Variants in ADGRB3 observed in about 807,000 individuals in gnomAD.
ADGRB3 encodes the protein adhesion G protein-coupled receptor B3, also known as brain-specific angiogenesis inhibitor 3.
In ADGRB3, 37 loss-of-function variants were observed where a neutral mutation model predicts 193.4. That is an observed-to-expected ratio of 0.19 (90% CI 0.15 to 0.25). The LOEUF (loss-of-function observed/expected upper bound fraction) is 0.25, where lower values mean the gene tolerates loss of function less well. Ranked by LOEUF, ADGRB3 falls within the 10% of genes least tolerant of loss-of-function variation. The pLI, the probability that ADGRB3 is intolerant of heterozygous loss-of-function variation, is 1.00. For missense variants in ADGRB3, 1,637 were observed against 1,852.9 expected (o/e 0.88, Z 2.14); for synonymous variants, 690 against 644.2 (o/e 1.07, Z -1.08).
At chr6:69,338,177 C>G (rs1045131473) in intron 24 of ADGRB3, among the ~76,000 whole-genome samples, 1 of 152,062 alleles carries the variant, frequency 6.6e-6, no homozygotes, top group Middle Eastern at 3.2e-3. Context: ...GCAAAATCCT[C>G]TAGACAAGAA....
At chr6:69,153,796 A>G (rs537377029) in intron 17 of ADGRB3, among the ~76,000 whole-genome samples, 114 of 152,264 alleles carry the variant, frequency 7.5e-4, no homozygotes, top group African/African-American at 2.6e-3. Flanking sequence ...GATCGAGACC[A>G]TGCTGGCTAA....
intron 17 of ADGRB3, among the ~76,000 whole-genome samples, chr6:69,162,448 A>G (rs1480336304): frequency 6.6e-6 from 1 of 152,154 alleles, no homozygotes; most frequent in Non-Finnish European, 1.5e-5. Context: ...GCATTTAGAC[A>G]GAGAGAAGCG....
chr6:68,764,209 A>G (rs1766466313), intron 3 of ADGRB3, among the ~76,000 whole-genome samples: 1 of 152,206 alleles, frequency 6.6e-6, no homozygotes, highest in African/African-American at 2.4e-5. Flanking sequence ...GTTCTATTAA[A>G]TGAGATTCCA....
rs138491102 is a variant in ADGRB3 at position 69,387,537 on chromosome 6, T to G, written c.4381-1166T>G. Among the ~76,000 whole-genome samples, 15 of 152,224 alleles carry G rather than the reference T, an allele frequency of 9.9e-5. 1 individual carries two copies. The highest frequency in any genetic ancestry group is 9.8e-4 in the Admixed American group (15 of 15,264). ...TCTAATGCATTAAACATTTTATTAA[T>G]TTAATTTCCAGTTATGGTAAGTGTT... On this transcript the variant is annotated intron_variant, in intron 31 of 31. Coordinates refer to ENST00000370598, the MANE Select transcript of ADGRB3 (RefSeq NM_001704.3).
At chr6:68,942,492 A>AT (rs1348448997) in intron 5 of ADGRB3, among the ~76,000 whole-genome samples, 7 of 152,088 alleles carry the variant, frequency 4.6e-5, no homozygotes, top group Non-Finnish European at 1.0e-4. Context: ...AAAAAAGCAC[A>AT]TTTTTTCTCA....
At chr6:68,776,896 C>T (rs772880343) in intron 3 of ADGRB3, among the ~76,000 whole-genome samples, 17 of 151,968 alleles carry the variant, frequency 1.1e-4, no homozygotes, top group Non-Finnish European at 4.4e-5. Flanking sequence ...GCAAAATTCA[C>T]CTTAGTAGAA....
At chr6:68,913,077 G>A (rs1323499490) in intron 3 of ADGRB3, among the ~76,000 whole-genome samples, 1 of 152,178 alleles carries the variant, frequency 6.6e-6, no homozygotes, top group Non-Finnish European at 1.5e-5. Flanking sequence ...ACAGCTCAAG[G>A]AGGCCTGCCT....
chr6:68,934,169 G>A (rs915600017), intron 4 of ADGRB3, among the ~76,000 whole-genome samples: 4 of 152,084 alleles, frequency 2.6e-5, no homozygotes, highest in African/African-American at 9.7e-5. Flanking sequence ...CATTTTGATA[G>A]GTAGGCCACT....
At position 68,845,079 on chromosome 6, in the gene ADGRB3, A is replaced by G. The variant is rs896412729; in HGVS notation, c.758-85480A>G. Reference sequence around the variant, plus strand: ...ATGGAAAAACAGGGTGACTACAGTCAATAATAATTTCATTATACATTTGAA... The same window carrying G: ...ATGGAAAAACAGGGTGACTACAGTCGATAATAATTTCATTATACATTTGAA... On this transcript the variant is annotated intron_variant, in intron 3 of 31. Coordinates refer to ENST00000370598, the MANE Select transcript of ADGRB3 (RefSeq NM_001704.3). Among the ~76,000 whole-genome samples, 7 of 152,314 alleles carry G rather than the reference A, an allele frequency of 4.6e-5. No individual in the cohort carries two copies. In the East Asian group the frequency reaches 1.4e-3, roughly 29 times the overall value.
At chr6:68,775,290 G>C (rs1766716852) in intron 3 of ADGRB3, among the ~76,000 whole-genome samples, 1 of 152,094 alleles carries the variant, frequency 6.6e-6, no homozygotes. Flanking sequence ...AAGTTAACAT[G>C]AGTGAACACT....
At chr6:68,816,348 G>A (rs1208638697) in intron 3 of ADGRB3, among the ~76,000 whole-genome samples, 1 of 124,622 alleles carries the variant, frequency 8.0e-6, no homozygotes, top group Non-Finnish European at 1.7e-5. Flanking sequence ...TAAATGTAGA[G>A]TTATTAGAAA....
intron 20 of ADGRB3, among the ~76,000 whole-genome samples, chr6:69,260,429 A>G (rs562953664): frequency 1.3e-5 from 2 of 152,156 alleles, no homozygotes. Flanking sequence ...GGAAGCAGAA[A>G]TAAGTATTAA....
Position 68,649,740 on chromosome 6 carries a change from T to C in ADGRB3, c.757+10308T>C, listed in dbSNP as rs139005632. Among the ~76,000 whole-genome samples, 160 of 152,304 alleles carry C rather than the reference T, an allele frequency of 1.1e-3. 2 individuals are homozygous for C. The highest frequency in any genetic ancestry group is 3.4e-3 in the African/African-American group (142 of 41,566). On this transcript the variant is annotated intron_variant, in intron 3 of 31. Coordinates refer to ENST00000370598, the MANE Select transcript of ADGRB3 (RefSeq NM_001704.3). ...GCATTCTTGGTTACCTTGTGATACA[T>C]TGAGAAATAGCATTGAAGGTGAGAA...
chr6:69,277,532 G>T (rs1473281796), intron 20 of ADGRB3, among the ~76,000 whole-genome samples: 1 of 152,156 alleles, frequency 6.6e-6, no homozygotes, highest in Non-Finnish European at 1.5e-5. Context: ...TGTAGAGTCA[G>T]CACTCCCAAA....
At chr6:69,283,177 G>C (rs1365070096) in intron 20 of ADGRB3, among the ~76,000 whole-genome samples, 1 of 152,256 alleles carries the variant, frequency 6.6e-6, no homozygotes, top group African/African-American at 2.4e-5. Context: ...AATTGCCAAG[G>C]GGACTGGGAG....
intron 20 of ADGRB3, among the ~76,000 whole-genome samples, chr6:69,265,125 A>G (rs1222366192): frequency 6.6e-6 from 1 of 151,978 alleles, no homozygotes; most frequent in Non-Finnish European, 1.5e-5. Context: ...GCTCATCAGA[A>G]TCGCCCATAG....
At chr6:68,763,703 T>G (rs184392778) in intron 3 of ADGRB3, among the ~76,000 whole-genome samples, 76 of 152,324 alleles carry the variant, frequency 5.0e-4, no homozygotes, top group Non-Finnish European at 7.5e-4. Flanking sequence ...CACTTTATAT[T>G]TTTTTGTTTT....
At chr6:68,918,524 G>A (rs1766943210) in intron 3 of ADGRB3, among the ~76,000 whole-genome samples, 1 of 152,168 alleles carries the variant, frequency 6.6e-6, no homozygotes, top group Non-Finnish European at 1.5e-5. Context: ...TCATCAAGGT[G>A]CTCCCAAATT....
rs1400848411 is a variant in ADGRB3, at chr6:69,042,276, C to T, written c.2108-5909C>T. Reference sequence around the variant, plus strand: ...TGTCAGGCAGTTCTTTATTGCAACACGAGAACAGCCTAATACACTAAGATA... The same window carrying T: ...TGTCAGGCAGTTCTTTATTGCAACATGAGAACAGCCTAATACACTAAGATA... On this transcript the variant is annotated intron_variant, in intron 13 of 31. Transcript: ENST00000370598. Among the ~76,000 whole-genome samples the T allele has an allele frequency of 5.9e-5, 9 of 152,230 alleles. 1 individual carries two copies. Among genetic ancestry groups the T allele is most frequent in the Middle Eastern group, 6.8e-3 (2 of 294 alleles).
Sources: gnomAD v4.1 joint callset for allele counts (sites outside exome capture counted in the v4.1 genomes callset) on GRCh38, gnomAD v4.1.1 for gene constraint, MANE v1.5 for transcripts, NCBI Gene and HGNC (gene_info 2026-07-23, HGNC 2026-07-21) for gene names.